SEC16B: variants seen among roughly 807,000 people sequenced by gnomAD.
The protein encoded by SEC16B is SEC16 homolog B, endoplasmic reticulum export factor, also known as protein transport protein Sec16B.
SEC16B carries 115 observed loss-of-function variants against 141.8 expected under a neutral mutation model. The observed-to-expected ratio is 0.81, with a 90% confidence interval of 0.70 to 0.95. SEC16B has a LOEUF of 0.95. SEC16B is among the 40% of genes least tolerant of loss of function. The pLI is 0.00. For synonymous variants in SEC16B, 493 were observed against 492.5 expected (o/e 1.00, Z -0.01); for missense variants, 1,291 against 1,312.3 (o/e 0.98, Z 0.25).
rs116946199 is a variant in SEC16B, at chr1:177,966,295, C to A, written c.300-290G>T. On this transcript the variant is annotated intron_variant, in intron 2 of 25. Coordinates refer to ENST00000308284, the MANE Select transcript of SEC16B (RefSeq NM_033127.4). ...AACTCTTTTATTTTGTAGTAAAACTCTCACTCCCCAAACACATACATATTA... is the reference window on the plus strand; with the variant it reads ...AACTCTTTTATTTTGTAGTAAAACTATCACTCCCCAAACACATACATATTA... 2.8e-4 allele frequency among the ~76,000 whole-genome samples: 42 copies of A among 152,254 alleles called. No homozygotes were observed. In the East Asian group the frequency reaches 5.2e-3, roughly 19 times the overall value.
chr1:177,966,044 G>A (rs991036028), intron 2 of SEC16B, 39 bp from the exon 3 acceptor site: 1 of 1,272,436 alleles, frequency 7.9e-7, no homozygotes, highest in African/African-American at 1.5e-5. Context: ...TTGAGGACAA[G>A]GGTAGTAAAG....
upstream of SEC16B, chr1:177,970,191 T>G (rs910758881): frequency 6.6e-6 from 1 of 152,214 alleles, no homozygotes; most frequent in Non-Finnish European, 1.5e-5. Flanking sequence ...TTCACTCACA[T>G]GAGAAATCAT....
chr1:177,937,199 G>T lies in SEC16B; in HGVS notation c.2503+15C>A, dbSNP rs1329169115. On this transcript the variant is annotated intron_variant, in intron 19 of 25. Coordinates refer to ENST00000308284, the MANE Select transcript of SEC16B (RefSeq NM_033127.4). ...CCCTACATTCAATGTGGCCACCCTAGCGGCCAGGTCTTACCAGGGCCCAGG... is the reference window on the plus strand; with the variant it reads ...CCCTACATTCAATGTGGCCACCCTATCGGCCAGGTCTTACCAGGGCCCAGG... 6.3e-7 allele frequency: 1 copy of T among 1,592,156 alleles called. No homozygotes were observed. The highest frequency in any genetic ancestry group is 8.6e-7 in the Non-Finnish European group (1 of 1,169,252).
In SEC16B at chr1:177,937,426, T is replaced by TG. The variant is rs775283128; in HGVS notation, c.2290dup (p.Gln764ProfsTer40). 7 of 1,608,174 alleles carry TG rather than the reference T, an allele frequency of 4.4e-6. No homozygotes were observed. Among genetic ancestry groups the TG allele is most frequent in the Non-Finnish European group, 5.1e-6 (6 of 1,177,456 alleles). Reference sequence around the variant, plus strand: ...TGGGCTGGGCTGGAGCAGGCAGGTCTGCTCAGGTGTCAGCCACAGAGCTGA... The same window carrying TG: ...TGGGCTGGGCTGGAGCAGGCAGGTCTGGCTCAGGTGTCAGCCACAGAGCTGA... On this transcript the variant is annotated frameshift_variant, in exon 19 of 26. Coordinates refer to ENST00000308284, the MANE Select transcript of SEC16B (RefSeq NM_033127.4). LOFTEE classifies it high-confidence loss of function.
At chr1:177,946,061 C>A in intron 14 of SEC16B, 1 of 514,082 alleles carries the variant, frequency 1.9e-6, no homozygotes, top group Non-Finnish European at 3.4e-6. Context: ...AGGCCCAGGG[C>A]TGCCTAACAC....
intron 4 of SEC16B, 83 bp downstream of exon 4, chr1:177,964,964 C>T: frequency 6.7e-7 from 1 of 1,493,096 alleles, no homozygotes; most frequent in South Asian, 1.2e-5. Flanking sequence ...GGTGAGATGG[C>T]AGCATCAGAC....
chr1:177,969,569 C>A (rs1183881343), intron 1 of SEC16B, among the ~76,000 whole-genome samples: 1 of 152,176 alleles, frequency 6.6e-6, no homozygotes, highest in Admixed American at 6.5e-5. Flanking sequence ...TTCTCCTTGT[C>A]CCCAGATAGT....
chr1:177,933,788 A>T (rs1173441270), intron 20 of SEC16B, among the ~76,000 whole-genome samples, 152 bp from the exon 21 acceptor site: 1 of 152,228 alleles, frequency 6.6e-6, no homozygotes, highest in Non-Finnish European at 1.5e-5. Flanking sequence ...CTCAGCCATG[A>T]AAAATGACTC....
At chr1:177,933,391 C>T in intron 21 of SEC16B, 79 bp from the exon 22 acceptor site, 1 of 1,558,532 alleles carries the variant, frequency 6.4e-7, no homozygotes, top group Non-Finnish European at 8.7e-7. Flanking sequence ...CCCCATGTAA[C>T]CATCAGAGCC....
At chr1:177,967,018 A>T (rs1361113591) in intron 2 of SEC16B, among the ~76,000 whole-genome samples, 2 of 152,192 alleles carry the variant, frequency 1.3e-5, no homozygotes, top group Admixed American at 6.5e-5. Context: ...CATTCCATGA[A>T]ATATTAAGTC....
rs140404852 is a variant in SEC16B, at chr1:177,942,836, G to A, written c.1882-796C>T. Among the ~76,000 whole-genome samples the A allele has an allele frequency of 5.2e-3, 794 of 152,270 alleles. 12 individuals are homozygous for A. The highest frequency in any genetic ancestry group is 0.018 in the African/African-American group (744 of 41,552). On this transcript the variant is annotated intron_variant, in intron 15 of 25. Transcript: ENST00000308284. The stretch of plus-strand genomic sequence containing the variant: ...AGTTCAAATAAAAGCTCCATGCGAG[G>A]TGTGAAACATTGGGCTAGTTACCTC...
In SEC16B at chr1:177,933,731, G is replaced by A. The variant is rs752787069; in HGVS notation, c.2572-95C>T. 20 of 1,248,708 alleles carry A rather than the reference G, an allele frequency of 1.6e-5. No individual in the cohort carries two copies. The African/African-American group carries it at 2.5e-4, about 16-fold the overall frequency. 77.4% of individuals were successfully genotyped at this position (1,248,708 alleles called of 1,614,324 possible). On this transcript the variant is annotated intron_variant, in intron 20 of 25. Coordinates refer to ENST00000308284, the MANE Select transcript of SEC16B (RefSeq NM_033127.4). ...CCTCACCTGACCTGCTCAGAAGGCAGTGGGACTGTTGTCTCAGGATCATAT... is the reference window on the plus strand; with the variant it reads ...CCTCACCTGACCTGCTCAGAAGGCAATGGGACTGTTGTCTCAGGATCATAT...
intron 25 of SEC16B, among the ~76,000 whole-genome samples, chr1:177,930,227 G>C (rs1650313602): frequency 6.6e-6 from 1 of 152,152 alleles, no homozygotes; most frequent in Non-Finnish European, 1.5e-5. Flanking sequence ...CCCCAGGACA[G>C]AGTGACACTG....
In SEC16B at chr1:177,933,507, C is replaced by T. The variant is rs754949803; in HGVS notation, c.2701G>A (p.Gly901Arg). ...ACCTTTGTATGCTCCTTCCCATCTC[C>T]GAGCTTGCCTCTCTGGGCAGTATTT... ...PRNTAQRGKL[G>R]DGKEHTKSSG... Residue 901 changes from glycine (G) to arginine (R), a missense_variant, in exon 21 of 26, where the codon GGA (glycine) becomes AGA (arginine). Transcript: ENST00000308284. 50 of 1,613,444 alleles carry T rather than the reference C, an allele frequency of 3.1e-5. No homozygotes were observed. The East Asian group carries it at 5.6e-4, about 18-fold the overall frequency.
intron 1 of SEC16B, among the ~76,000 whole-genome samples, chr1:177,982,138 T>C (rs1303258607): frequency 1.3e-5 from 2 of 152,094 alleles, no homozygotes; most frequent in East Asian, 3.9e-4. Context: ...TCAAATTACA[T>C]AAGAACTCAA....
At chr1:177,971,409 T>TG (rs1218198378), upstream of SEC16B, 1 of 152,216 alleles carries the variant, frequency 6.6e-6, no homozygotes, top group African/African-American at 2.4e-5. Flanking sequence ...ACTCTTGGGC[T>TG]GTGAAGTTTG....
Position 177,954,326 on chromosome 1 carries a change from G to A in SEC16B, c.1416C>T (p.Phe472=). ...MKNHLWGHAL[F]LSSKMDPQTY... is the part of the protein sequence containing the mutation. ...TCTGTGGGTCCATCTTGCTGGACAG[G>A]AACAAAGCATGGCCCCACAAGTGGT... Residue 472 remains phenylalanine, a synonymous_variant, in exon 11 of 26, where the codon TTC becomes TTT. Transcript: ENST00000308284. 1.3e-6 allele frequency: 2 copies of A among 1,575,670 alleles called. No homozygotes were observed. Among genetic ancestry groups the A allele is most frequent in the Non-Finnish European group, 8.6e-7 (1 of 1,159,626 alleles).
intron 19 of SEC16B, 50 bp from the exon 20 acceptor site, chr1:177,936,415 C>T (rs1206526063): frequency 6.7e-7 from 1 of 1,495,512 alleles, no homozygotes; most frequent in Non-Finnish European, 9.2e-7. Context: ...GTGCTTTTCC[C>T]ATCTATCCTG....
Position 177,939,699 on chromosome 1 carries a change from T to C in SEC16B, c.2203+3A>G, listed in dbSNP as rs1172915189. The C allele has an allele frequency of 6.3e-7, 1 of 1,583,830 alleles. No homozygotes were observed. The highest frequency in any genetic ancestry group is 1.2e-5 in the South Asian group (1 of 86,644). On this transcript the variant is annotated splice_donor_region_variant and intron_variant, in intron 18 of 25. Transcript: ENST00000308284. ...TATATGCTCAGTTCATCATTTTGGG[T>C]ACCTGTTGTTGTTCCTCCGGCTCCC...
Sources: allele counts gnomAD v4.1 joint callset (sites outside exome capture counted in the v4.1 genomes callset), GRCh38; gene constraint gnomAD v4.1.1; transcripts MANE v1.5; gene names NCBI Gene and HGNC (gene_info 2026-07-23, HGNC 2026-07-21).